The following EDA variants were observed in gnomAD, a reference collection of about 807,000 sequenced individuals.
EDA encodes the protein ectodysplasin-A.
A neutral mutation model predicts 23.6 loss-of-function variants in EDA; 2 were observed. That is an observed-to-expected ratio of 0.08 (90% CI 0.03 to 0.27). EDA has a LOEUF of 0.27. EDA is among the 10% of genes least tolerant of loss of function. The pLI, the probability that EDA is intolerant of heterozygous loss-of-function variation, is 1.00. For missense variants in EDA, 229 were observed against 324.2 expected, an observed-to-expected ratio of 0.71 and a Z score of 2.26; for synonymous variants, 131 against 132.0, an observed-to-expected ratio of 0.99 and a Z score of 0.05.
At chrX:69,712,840 A>G (rs1041318884) in intron 1 of EDA, among the ~76,000 whole-genome samples, 1 of 111,539 alleles carries the variant, frequency 9.0e-6, no homozygotes, top group African/African-American at 3.3e-5. Context: ...GACTGGATTA[A>G]GGAAATGTGC....
intron 2 of EDA, among the ~76,000 whole-genome samples, chrX:69,958,795 A>T (rs1056759444): frequency 3.6e-5 from 4 of 110,960 alleles, no homozygotes; most frequent in African/African-American, 1.3e-4. Flanking sequence ...TCCTCTCCTA[A>T]TCATCTCACC....
At chrX:69,835,384 C>T (rs2016745759) in intron 1 of EDA, among the ~76,000 whole-genome samples, 1 of 111,891 alleles carries the variant, frequency 8.9e-6, no homozygotes, top group African/African-American at 3.3e-5. Context: ...TCCATAGTCC[C>T]ATGTTTCTTG....
chrX:69,686,684 T>A (rs1400540587), intron 1 of EDA, among the ~76,000 whole-genome samples: 1 of 111,852 alleles, frequency 8.9e-6, no homozygotes. Flanking sequence ...AGTGGAATCA[T>A]ATAATGTATA....
chrX:69,723,400 A>G (rs950783589), intron 1 of EDA, among the ~76,000 whole-genome samples: 3 of 112,306 alleles, frequency 2.7e-5, no homozygotes, highest in African/African-American at 9.7e-5. Context: ...GTTCACAGTT[A>G]TAGAACATCA....
At chrX:69,672,881 C>CAA (rs746423731) in intron 1 of EDA, among the ~76,000 whole-genome samples, 16 of 70,615 alleles carry the variant, frequency 2.3e-4, no homozygotes, top group African/African-American at 6.6e-4. Flanking sequence ...GACAACGTCT[C>CAA]AAAAAAAAAA....
intron 1 of EDA, among the ~76,000 whole-genome samples, chrX:69,835,822 G>A (rs1245077311): frequency 8.9e-6 from 1 of 112,138 alleles, no homozygotes; most frequent in Admixed American, 9.5e-5. Flanking sequence ...CAGCTTTTCT[G>A]CTCTGGTTTC....
intron 1 of EDA, among the ~76,000 whole-genome samples, chrX:69,823,791 G>T (rs1234778307): frequency 5.6e-5 from 5 of 89,994 alleles, no homozygotes; most frequent in Admixed American, 1.3e-4. Flanking sequence ...GTCCTGAATG[G>T]TAATGTCTAG....
rs765002732 is a variant in EDA at position 69,637,232 on chromosome X, T to G, written c.396+20528T>G. 1.8e-3 allele frequency among the ~76,000 whole-genome samples: 206 copies of G among 111,692 alleles called. 1 individual carries two copies. The highest frequency in any genetic ancestry group is 3.1e-3 in the Non-Finnish European group (165 of 53,131). ...AGGATATATTAGGAAATGACTCCGG[T>G]GCAAATCTATATATAGATCTGTGTT... On this transcript the variant is annotated intron_variant, in intron 1 of 7. Coordinates refer to ENST00000374552, the MANE Select transcript of EDA (RefSeq NM_001399.5).
chrX:70,031,918 G>C (rs1031276526), intron 6 of EDA, among the ~76,000 whole-genome samples: 7 of 111,801 alleles, frequency 6.3e-5, no homozygotes, highest in Non-Finnish European at 1.3e-4. Flanking sequence ...CAGCCCCTCT[G>C]GGCCAATCCT....
At chrX:69,680,805 C>A (rs1433561693) in intron 1 of EDA, among the ~76,000 whole-genome samples, 55 of 95,233 alleles carry the variant, frequency 5.8e-4, no homozygotes, top group African/African-American at 8.3e-4. Flanking sequence ...TTAATTGGAG[C>A]ATTTAGTCCA....
intron 1 of EDA, chrX:69,687,666 A>ATG (rs1934587923): frequency 1.3e-5 from 1 of 79,755 alleles, no homozygotes; most frequent in African/African-American, 3.9e-5. Flanking sequence ...ATATACATTA[A>ATG]TGTTTTCTTC....
intron 1 of EDA, among the ~76,000 whole-genome samples, chrX:69,662,637 C>T (rs968329599): frequency 1.8e-5 from 2 of 112,289 alleles, no homozygotes; most frequent in African/African-American, 6.5e-5. Flanking sequence ...AATGTGGAAG[C>T]GTCTTTAGAA....
intron 1 of EDA, among the ~76,000 whole-genome samples, chrX:69,719,917 T>G (rs2012514569): frequency 9.1e-6 from 1 of 109,867 alleles, no homozygotes; most frequent in African/African-American, 3.3e-5. Flanking sequence ...GCCTGGCTAA[T>G]TTTTGTATTT....
chrX:69,923,721 G>A (rs925040852), intron 1 of EDA, among the ~76,000 whole-genome samples: 2 of 111,245 alleles, frequency 1.8e-5, no homozygotes, highest in African/African-American at 3.3e-5. Flanking sequence ...GGTATTTTTG[G>A]TTCTAGATCC....
intron 1 of EDA, among the ~76,000 whole-genome samples, chrX:69,626,214 A>G (rs1932380132): frequency 8.9e-6 from 1 of 112,019 alleles, no homozygotes; most frequent in Admixed American, 9.5e-5. Context: ...GTGGAAATGT[A>G]AAATGATTCA....
chrX:69,630,960 T>C, intron 1 of EDA, among the ~76,000 whole-genome samples: 1 of 111,988 alleles, frequency 8.9e-6, no homozygotes, highest in Non-Finnish European at 1.9e-5. Flanking sequence ...TTAAGTTGGT[T>C]CACCTTAGGT....
chrX:69,956,297 TTCTTTCTTTCTTTCTCTTTC>T (rs1308471308), intron 1 of EDA, among the ~76,000 whole-genome samples: 2 of 102,219 alleles, frequency 2.0e-5, no homozygotes, highest in Admixed American at 1.1e-4. Flanking sequence ...CTTTCTTTCT[TTCTTTCTTTCTTTCTCTTTC>T]TCTTTCTCTT....
At chrX:69,676,563 A>G (rs1341133812) in intron 1 of EDA, among the ~76,000 whole-genome samples, 4 of 108,303 alleles carry the variant, frequency 3.7e-5, no homozygotes, top group Non-Finnish European at 7.7e-5. Flanking sequence ...TTGGACTCTC[A>G]ATATATATTT....
rs753059269 is a variant in EDA, at chrX:69,861,197, G to A, written c.397-95830G>A. The A allele has an allele frequency of 2.6e-5, 6 of 233,385 alleles. No individual in the cohort carries two copies. The South Asian group carries it at 2.9e-4, about 11-fold the overall frequency. The allele number at this position is 233,385 out of a possible 1,213,427, so 19.2% of individuals were successfully genotyped here. ...CAAGCAAAGATTGTTTAAACATGTGGGTAAATATAAACAAACATTGGCTTT... is the reference window on the plus strand; with the variant it reads ...CAAGCAAAGATTGTTTAAACATGTGAGTAAATATAAACAAACATTGGCTTT... On this transcript the variant is annotated intron_variant, in intron 1 of 7. Transcript: ENST00000374552.
Sources: gnomAD v4.1 joint callset for allele counts (sites outside exome capture counted in the v4.1 genomes callset) on GRCh38, gnomAD v4.1.1 for gene constraint, MANE v1.5 for transcripts, NCBI Gene and HGNC (gene_info 2026-07-23, HGNC 2026-07-21) for gene names.